The following FAM168A variants were observed in gnomAD, a reference collection of about 807,000 sequenced individuals.
The protein encoded by FAM168A is family with sequence similarity 168 member A.
Under a neutral mutation model 28.5 loss-of-function variants are expected in FAM168A, and 3 were observed. That is an observed-to-expected ratio of 0.11 (90% CI 0.05 to 0.27). The LOEUF (loss-of-function observed/expected upper bound fraction) is 0.27, where lower values mean the gene tolerates loss of function less well. FAM168A is among the 10% of genes least tolerant of loss of function. FAM168A has a pLI of 1.00. For synonymous variants in FAM168A, 122 were observed against 124.2 expected (o/e 0.98, Z 0.12); for missense variants, 222 against 311.5 (o/e 0.71, Z 2.16).
intron 1 of FAM168A, among the ~76,000 whole-genome samples, chr11:73,576,093 T>G (rs1269292550): frequency 1.3e-5 from 2 of 152,210 alleles, no homozygotes; most frequent in East Asian, 3.8e-4. Context: ...ATTTTGGTAT[T>G]AGATAATTTT....
At chr11:73,502,683 G>C (rs879735884) in intron 1 of FAM168A, among the ~76,000 whole-genome samples, 1 of 152,142 alleles carries the variant, frequency 6.6e-6, no homozygotes, top group Non-Finnish European at 1.5e-5. Context: ...AAACTGGGAA[G>C]AGACACAACA....
chr11:73,474,864 C>A (rs908511376), intron 1 of FAM168A, among the ~76,000 whole-genome samples: 2 of 152,192 alleles, frequency 1.3e-5, no homozygotes, highest in African/African-American at 4.8e-5. Context: ...CATTTCTTGG[C>A]ATATCCCAGT....
At chr11:73,415,051 A>T (rs536294442) in intron 4 of FAM168A, among the ~76,000 whole-genome samples, 1 of 152,354 alleles carries the variant, frequency 6.6e-6, no homozygotes, top group East Asian at 1.9e-4. Context: ...CTCTGAGGAA[A>T]ATCAAAAAGC....
In FAM168A at chr11:73,595,691, T is replaced by C. The variant is rs548316668; in HGVS notation, c.-19+2232A>G. Among the ~76,000 whole-genome samples the C allele has an allele frequency of 2.2e-4, 34 of 152,354 alleles. 1 individual carries two copies. The South Asian group carries it at 6.6e-3, about 30-fold the overall frequency. ...ATATCGCTAAGGTTTAAATCGAATT[T>C]CTGATGAATAGGTGGAGATGCTGTT... On this transcript the variant is annotated intron_variant, in intron 1 of 7. Coordinates refer to ENST00000356467, the MANE Select transcript of FAM168A (RefSeq NM_015159.3).
Position 73,404,577 on chromosome 11 carries a change from C to A in FAM168A, c.*2186G>T, listed in dbSNP as rs901637868. 1 of 152,178 alleles carries A rather than the reference C, an allele frequency of 6.6e-6. No individual in the cohort carries two copies. Among genetic ancestry groups the A allele is most frequent in the Non-Finnish European group, 1.5e-5 (1 of 68,038 alleles). The allele number at this position is 152,178 out of a possible 1,614,324, so 9.4% of individuals were successfully genotyped here. Reference sequence around the variant, plus strand: ...AAGTGAATTAACACTGGAAAACTTTCTATTGTTTTAAAGTGAAACCTCATC... The same window carrying A: ...AAGTGAATTAACACTGGAAAACTTTATATTGTTTTAAAGTGAAACCTCATC... On this transcript the variant is annotated 3_prime_UTR_variant, in exon 8 of 8. Transcript: ENST00000356467.
chr11:73,484,224 T>C (rs1162594399), intron 1 of FAM168A, among the ~76,000 whole-genome samples: 1 of 152,312 alleles, frequency 6.6e-6, no homozygotes, highest in East Asian at 1.9e-4. Flanking sequence ...TGTTAACATC[T>C]TTAATTTTCA....
At chr11:73,582,487 C>T (rs541206146) in intron 1 of FAM168A, among the ~76,000 whole-genome samples, 3 of 151,298 alleles carry the variant, frequency 2.0e-5, no homozygotes, top group South Asian at 2.1e-4. Flanking sequence ...GGTGCCATTG[C>T]ACTCCAGCCT....
chr11:73,470,250 A>G (rs1867794903), intron 1 of FAM168A, among the ~76,000 whole-genome samples: 1 of 152,226 alleles, frequency 6.6e-6, no homozygotes, highest in Admixed American at 6.5e-5. Flanking sequence ...GTCAAGTGAC[A>G]TGCAAATGTA....
At chr11:73,569,630 T>C (rs1029192783) in intron 1 of FAM168A, among the ~76,000 whole-genome samples, 2 of 152,124 alleles carry the variant, frequency 1.3e-5, no homozygotes, top group Non-Finnish European at 2.9e-5. Context: ...GAGACCAGCC[T>C]GGCCAATATG....
chr11:73,582,870 TCTA>T (rs1240297811), intron 1 of FAM168A, among the ~76,000 whole-genome samples: 2 of 152,208 alleles, frequency 1.3e-5, no homozygotes, highest in Non-Finnish European at 2.9e-5. Context: ...TCTCATTGTG[TCTA>T]CTGTGTACAC....
intron 1 of FAM168A, among the ~76,000 whole-genome samples, chr11:73,487,793 C>T (rs1868073268): frequency 6.6e-6 from 1 of 152,154 alleles, no homozygotes; most frequent in Non-Finnish European, 1.5e-5. Context: ...AGTTTGCTCT[C>T]TATAGTACAC....
At chr11:73,420,083 C>A in intron 3 of FAM168A, 84 bp from the exon 4 acceptor site, 1 of 1,541,068 alleles carries the variant, frequency 6.5e-7, no homozygotes, top group Non-Finnish European at 8.8e-7. Flanking sequence ...GGGTCTTGTG[C>A]TGGACAGAAA....
At chr11:73,460,499 C>CTTTTTTTT (rs547956382) in intron 2 of FAM168A, among the ~76,000 whole-genome samples, 2 of 112,834 alleles carry the variant, frequency 1.8e-5, no homozygotes, top group African/African-American at 3.4e-5. Flanking sequence ...GCTACTAATG[C>CTTTTTTTT]TTTTTTTTTT....
chr11:73,542,722 T>C (rs763016958), intron 1 of FAM168A, among the ~76,000 whole-genome samples: 2 of 152,182 alleles, frequency 1.3e-5, no homozygotes, highest in African/African-American at 2.4e-5. Context: ...TACCAGGTAA[T>C]CTAGCTCCCT....
intron 1 of FAM168A, among the ~76,000 whole-genome samples, chr11:73,564,923 T>C (rs1283652710): frequency 6.6e-6 from 1 of 151,592 alleles, no homozygotes; most frequent in Non-Finnish European, 1.5e-5. Flanking sequence ...GAGGTGGTAC[T>C]GACCAAACTT....
chr11:73,545,022 T>TAA lies in FAM168A; in HGVS notation c.-19+52900_-19+52901insTT, dbSNP rs1943725531. 7.4e-5 allele frequency among the ~76,000 whole-genome samples: 7 copies of TAA among 94,960 alleles called. 1 individual carries two copies. Among genetic ancestry groups the TAA allele is most frequent in the African/African-American group, 4.4e-4 (7 of 15,844 alleles). 62.3% of individuals were successfully genotyped at this position (94,960 alleles called of 152,430 possible). A position where few individuals can be genotyped will look rare whatever the true frequency, so the allele number is the denominator to read the frequency against. On this transcript the variant is annotated intron_variant, in intron 1 of 7. Coordinates refer to ENST00000356467, the MANE Select transcript of FAM168A (RefSeq NM_015159.3). ...TATATAATATACTATATATATAGTA[T>TAA]ATATAATATATATATATTTTTTGGA...
At chr11:73,526,338 T>C (rs963077436) in intron 1 of FAM168A, among the ~76,000 whole-genome samples, 1 of 152,184 alleles carries the variant, frequency 6.6e-6, no homozygotes, top group Non-Finnish European at 1.5e-5. Flanking sequence ...AGAGTGATAA[T>C]ATCTAATGTT....
At chr11:73,422,685 G>A (rs1290183018) in intron 3 of FAM168A, among the ~76,000 whole-genome samples, 3 of 152,192 alleles carry the variant, frequency 2.0e-5, no homozygotes, top group Non-Finnish European at 4.4e-5. Flanking sequence ...TGAACTAAGT[G>A]GTAGTTAAAT....
intron 1 of FAM168A, among the ~76,000 whole-genome samples, chr11:73,523,246 TA>T (rs1210832830): frequency 6.6e-6 from 1 of 152,208 alleles, no homozygotes; most frequent in Non-Finnish European, 1.5e-5. Flanking sequence ...CTACAGGCCT[TA>T]TTTCCATGTA....
Sources: allele counts gnomAD v4.1 joint callset (sites outside exome capture counted in the v4.1 genomes callset), GRCh38; gene constraint gnomAD v4.1.1; transcripts MANE v1.5; gene names NCBI Gene and HGNC (gene_info 2026-07-23, HGNC 2026-07-21).